Variants in UTP25 observed in about 807,000 individuals in gnomAD.
UTP25 encodes the protein UTP25 small subunit processome component.
Under a neutral mutation model 78.9 loss-of-function variants are expected in UTP25, and 50 were observed. The ratio of observed to expected loss-of-function variants is 0.63; its 90% confidence interval spans 0.50 to 0.80. The LOEUF is 0.80. Among genes scored for constraint, UTP25 ranks in the 30% least tolerant of loss-of-function variants. The pLI is 0.00. For missense variants in UTP25, 846 were observed against 911.3 expected (o/e 0.93, Z 0.92); for synonymous variants, 329 against 336.5 (o/e 0.98, Z 0.24).
chr1:209,848,397 A>G (rs988708212), intron 11 of UTP25, among the ~76,000 whole-genome samples: 1 of 152,216 alleles, frequency 6.6e-6, no homozygotes, highest in Admixed American at 6.5e-5. Flanking sequence ...TAAACATCAC[A>G]TTGTTTTTAA....
chr1:209,841,161 T>G, intron 8 of UTP25, 106 bp downstream of exon 8: 1 of 1,238,554 alleles, frequency 8.1e-7, no homozygotes. Context: ...ATTAGAACTC[T>G]TGTTTGGAAG....
chr1:209,840,880 G>A lies in UTP25; in HGVS notation c.1310G>A (p.Arg437Gln), dbSNP rs143233479. Reference sequence around the variant, plus strand: ...GTGGCAATACTTCAGAGAAGCATCCGACTCTATGCCCCGTTTTACTCCTCG... The same window carrying A: ...GTGGCAATACTTCAGAGAAGCATCCAACTCTATGCCCCGTTTTACTCCTCG... ...IGVAILQRSI[R>Q]LYAPFYSSDI... Residue 437 changes from arginine to glutamine, a missense_variant, in exon 8 of 12, where the codon CGA becomes CAA. Arg to Gln is a conservative substitution (Grantham distance 43). Coordinates refer to ENST00000491415, the MANE Select transcript of UTP25 (RefSeq NM_014388.7). 3.8e-4 allele frequency: 606 copies of A among 1,612,824 alleles called. 1 individual carries two copies. The African/African-American group carries it at 7.1e-3, about 19-fold the overall frequency.
intron 11 of UTP25, 167 bp downstream of exon 11, chr1:209,843,863 T>C: frequency 2.2e-6 from 2 of 908,430 alleles, no homozygotes; most frequent in Non-Finnish European, 1.6e-6. Context: ...TCTTCTTGGT[T>C]GGTTAGTTGG....
At chr1:209,832,622 C>T (rs1217142489) in intron 3 of UTP25, among the ~76,000 whole-genome samples, 3 of 152,224 alleles carry the variant, frequency 2.0e-5, no homozygotes, top group Non-Finnish European at 4.4e-5. Flanking sequence ...CTGGCTCACG[C>T]CTGTAATCCC....
At chr1:209,848,395 A>T (rs1026989656) in intron 11 of UTP25, among the ~76,000 whole-genome samples, 1 of 152,192 alleles carries the variant, frequency 6.6e-6, no homozygotes, top group Non-Finnish European at 1.5e-5. Context: ...GGTAAACATC[A>T]CATTGTTTTT....
intron 7 of UTP25, among the ~76,000 whole-genome samples, chr1:209,839,728 A>G (rs977244554): frequency 3.3e-5 from 5 of 152,358 alleles, no homozygotes; most frequent in South Asian, 4.1e-4. Context: ...TTGAGTATCT[A>G]CAGTGTGCCA....
chr1:209,850,162 T>C (rs1408273765), intron 11 of UTP25, among the ~76,000 whole-genome samples: 3 of 152,216 alleles, frequency 2.0e-5, no homozygotes, highest in African/African-American at 7.2e-5. Context: ...TTCTTATTGG[T>C]ATAGGAGCAA....
chr1:209,856,495 C>T lies in UTP25; in HGVS notation c.*5048C>T, dbSNP rs2078277046. ...AGCTCCTGAGGCTATAAGCTCTGTA[C>T]GTAGGAGAGTGGTGAAGAAAGGAGC... On this transcript the variant is annotated 3_prime_UTR_variant, in exon 12 of 12. Coordinates refer to ENST00000491415, the MANE Select transcript of UTP25 (RefSeq NM_014388.7). 3 of 152,226 alleles carry T rather than the reference C, an allele frequency of 2.0e-5. No individual in the cohort carries two copies. Among genetic ancestry groups the T allele is most frequent in the Admixed American group, 6.5e-5 (1 of 15,278 alleles). The allele number at this position is 152,226 out of a possible 1,614,324, so 9.4% of individuals were successfully genotyped here.
At position 209,843,431 on chromosome 1, in the gene UTP25, C is replaced by T. The variant is rs374507478; in HGVS notation, c.1782-20C>T. 6.2e-7 allele frequency: 1 copy of T among 1,612,324 alleles called. No homozygotes were observed. Among genetic ancestry groups the T allele is most frequent in the Non-Finnish European group, 8.5e-7 (1 of 1,179,084 alleles). On this transcript the variant is annotated intron_variant, in intron 10 of 11. Coordinates refer to ENST00000491415, the MANE Select transcript of UTP25 (RefSeq NM_014388.7). ...GCTTAGCTCTAGACATTAATTTTGC[C>T]CTTTGCCATTCCAAATCAGGTTTAA...
At chr1:209,833,436 T>C in intron 4 of UTP25, 78 bp downstream of exon 4, 2 of 1,259,998 alleles carry the variant, frequency 1.6e-6, no homozygotes, top group African/African-American at 1.5e-5. Flanking sequence ...ATTGAATCTA[T>C]TATTGGAACA....
intron 1 of UTP25, among the ~76,000 whole-genome samples, chr1:209,828,918 G>A (rs1052895246): frequency 6.6e-6 from 1 of 151,756 alleles, no homozygotes; most frequent in Non-Finnish European, 1.5e-5. Context: ...GATTACAGGC[G>A]CCCGCCATCA....
chr1:209,850,880 A>G (rs2078227457), intron 11 of UTP25, among the ~76,000 whole-genome samples: 1 of 152,132 alleles, frequency 6.6e-6, no homozygotes, highest in Non-Finnish European at 1.5e-5. Context: ...CTGCTTTTTA[A>G]GTTTTCTGTG....
rs1334874786 is a variant in UTP25, at chr1:209,840,905, G to A, written c.1335G>A (p.Ser445=). Residue 445 remains serine, a synonymous_variant, in exon 8 of 12, where the codon TCG becomes TCA. Transcript: ENST00000491415. ...SIRLYAPFYS[S]DILIASPLGL... Reference sequence around the variant, plus strand: ...GACTCTATGCCCCGTTTTACTCCTCGGATATCCTCATTGCTTCCCCCCTGG... The same window carrying A: ...GACTCTATGCCCCGTTTTACTCCTCAGATATCCTCATTGCTTCCCCCCTGG... 6.2e-6 allele frequency: 10 copies of A among 1,613,554 alleles called. No homozygotes were observed. The highest frequency in any genetic ancestry group is 3.3e-5 in the Admixed American group (2 of 59,986).
chr1:209,837,635 T>C (rs552548219), intron 6 of UTP25, among the ~76,000 whole-genome samples: 8 of 152,276 alleles, frequency 5.3e-5, no homozygotes, highest in Admixed American at 2.6e-4. Flanking sequence ...AGGGAAAGAA[T>C]AGCAGAGATG....
At position 209,839,042 on chromosome 1, in the gene UTP25, A is replaced by T; in HGVS notation, c.1196A>T (p.Asp399Val). The change falls in exon 7 of 12, where the codon GAT becomes GTT. Residue 399 changes from aspartate (D) to valine (V), a missense_variant. Coordinates refer to ENST00000491415, the MANE Select transcript of UTP25 (RefSeq NM_014388.7). ...AGGTTTCAGGGAGAATATGGATCAG[A>T]TCCCGAGGAGAGACCACCCAACTTG... is the stretch of plus-strand genomic sequence containing the variant. ...KKRFQGEYGS[D>V]PEERPPNLKR... 1 of 1,614,164 alleles carries T rather than the reference A, an allele frequency of 6.2e-7. No homozygotes were observed. Among genetic ancestry groups the T allele is most frequent in the Non-Finnish European group, 8.5e-7 (1 of 1,179,992 alleles).
At chr1:209,845,857 CTTTT>C (rs2078194211) in intron 11 of UTP25, among the ~76,000 whole-genome samples, 2 of 114,620 alleles carry the variant, frequency 1.7e-5, no homozygotes, top group South Asian at 2.7e-4. Flanking sequence ...TTTTCTTTTT[CTTTT>C]TCTTTTTTTT....
At position 209,830,679 on chromosome 1, in the gene UTP25, G is replaced by C. The variant is rs373379070; in HGVS notation, c.148-124G>C. On this transcript the variant is annotated intron_variant, in intron 2 of 11. Transcript: ENST00000491415. ...TGAAGAGCTTCTAGAATCATAGCTAGATTAGCAATTTTAAGTAAATTTGAA... is the reference window on the plus strand; with the variant it reads ...TGAAGAGCTTCTAGAATCATAGCTACATTAGCAATTTTAAGTAAATTTGAA... 2.2e-5 allele frequency: 31 copies of C among 1,433,894 alleles called. No homozygotes were observed. The South Asian group carries it at 4.1e-4, about 19-fold the overall frequency. 88.8% of individuals were successfully genotyped at this position (1,433,894 alleles called of 1,614,324 possible).
intron 8 of UTP25, 101 bp from the exon 9 acceptor site, chr1:209,842,164 G>C (rs2078170429): frequency 1.6e-6 from 2 of 1,217,348 alleles, no homozygotes; most frequent in Non-Finnish European, 2.3e-6. Context: ...TAATTTAGGA[G>C]ATGATAGTAC....
At chr1:209,837,449 A>G (rs1421514032) in intron 6 of UTP25, among the ~76,000 whole-genome samples, 1 of 152,206 alleles carries the variant, frequency 6.6e-6, no homozygotes, top group East Asian at 1.9e-4. Flanking sequence ...ACTTCATGAC[A>G]CTTTCCTTAA....
Sources: gnomAD v4.1 joint callset for allele counts (sites outside exome capture counted in the v4.1 genomes callset) on GRCh38, gnomAD v4.1.1 for gene constraint, MANE v1.5 for transcripts, NCBI Gene and HGNC (gene_info 2026-07-23, HGNC 2026-07-21) for gene names.